The following NRXN3 variants were observed in gnomAD, a reference collection of about 807,000 sequenced individuals.
NRXN3 encodes neurexin 3.
A neutral mutation model predicts 137.6 loss-of-function variants in NRXN3; 32 were observed. The ratio of observed to expected loss-of-function variants is 0.23; its 90% confidence interval spans 0.18 to 0.31. The LOEUF is 0.31. Among genes scored for constraint, NRXN3 ranks in the 10% least tolerant of loss-of-function variants. NRXN3 has a pLI of 1.00. For missense variants in NRXN3, 1,574 were observed against 2,062.5 expected (o/e 0.76, Z 4.59); for synonymous variants, 798 against 784.5 (o/e 1.02, Z -0.29).
intron 2 of NRXN3, among the ~76,000 whole-genome samples, chr14:78,248,432 T>C (rs1441244004): frequency 1.3e-5 from 2 of 151,844 alleles, no homozygotes; most frequent in South Asian, 4.2e-4. Flanking sequence ...CAATTTCTTT[T>C]TTTTTTTATT....
intron 4 of NRXN3, among the ~76,000 whole-genome samples, chr14:78,337,298 G>C (rs1221909342): frequency 6.6e-6 from 1 of 152,110 alleles, no homozygotes; most frequent in African/African-American, 2.4e-5. Flanking sequence ...CTTGAGCTCA[G>C]GGATACCACT....
At chr14:78,822,181 C>T (rs1003882925) in intron 10 of NRXN3, among the ~76,000 whole-genome samples, 2 of 152,108 alleles carry the variant, frequency 1.3e-5, no homozygotes, top group Non-Finnish European at 2.9e-5. Flanking sequence ...AGGATATTTA[C>T]AATAAACATT....
chr14:78,938,848 C>CTTTTTCTT (rs1292820804), intron 10 of NRXN3, among the ~76,000 whole-genome samples: 1,631 of 131,998 alleles, frequency 0.012, 38 homozygotes, highest in African/African-American at 0.043. Context: ...AGTGATTTTT[C>CTTTTTCTT]TTTTTTTTTT....
intron 4 of NRXN3, among the ~76,000 whole-genome samples, chr14:78,505,059 A>ATATGCTGAC (rs2095959934): frequency 6.6e-6 from 1 of 152,146 alleles, no homozygotes; most frequent in African/African-American, 2.4e-5. Flanking sequence ...AAACAGGACC[A>ATATGCTGAC]TATGCTGACA....
At chr14:79,687,912 G>A (rs2098701689) in intron 17 of NRXN3, among the ~76,000 whole-genome samples, 1 of 152,164 alleles carries the variant, frequency 6.6e-6, no homozygotes, top group Non-Finnish European at 1.5e-5. Context: ...GCTTAGCTGA[G>A]TATGTTAGAA....
At chr14:79,573,761 G>A (rs1181939196) in intron 16 of NRXN3, among the ~76,000 whole-genome samples, 5 of 152,032 alleles carry the variant, frequency 3.3e-5, no homozygotes, top group African/African-American at 7.2e-5. Context: ...TGCCATGTCC[G>A]TGATGTAGTT....
At chr14:78,292,824 CA>C (rs1280521397) in intron 3 of NRXN3, among the ~76,000 whole-genome samples, 3 of 152,138 alleles carry the variant, frequency 2.0e-5, no homozygotes, top group African/African-American at 7.2e-5. Context: ...CCTGGAATAT[CA>C]AACCCAGAAT....
intron 6 of NRXN3, among the ~76,000 whole-genome samples, chr14:78,693,826 G>A (rs1453342194): frequency 6.6e-6 from 1 of 151,484 alleles, no homozygotes; most frequent in Non-Finnish European, 1.5e-5. Flanking sequence ...GTGCCTTTAG[G>A]ATCAAGTTAA....
intron 20 of NRXN3, among the ~76,000 whole-genome samples, chr14:79,822,735 A>C (rs186577607): frequency 1.1e-3 from 168 of 152,152 alleles, no homozygotes; most frequent in Admixed American, 2.2e-3. Context: ...AGCATCCGTC[A>C]CTTAGATAAC....
intron 19 of NRXN3, among the ~76,000 whole-genome samples, chr14:79,706,419 CTTTTTTTTT>C (rs919138966): frequency 2.0e-4 from 23 of 115,990 alleles, no homozygotes; most frequent in Non-Finnish European, 3.6e-4. Flanking sequence ...GGCTTTTTTA[CTTTTTTTTT>C]TTTTTTTTTT....
At chr14:78,997,906 T>C (rs2099533314) in intron 15 of NRXN3, among the ~76,000 whole-genome samples, 1 of 152,170 alleles carries the variant, frequency 6.6e-6, no homozygotes, top group African/African-American at 2.4e-5. Flanking sequence ...ATGTGATCTT[T>C]TAGGTCTGTT....
chr14:78,575,675 A>G (rs2096929562), intron 4 of NRXN3, among the ~76,000 whole-genome samples: 1 of 152,222 alleles, frequency 6.6e-6, no homozygotes, highest in South Asian at 2.1e-4. Flanking sequence ...AAATAAATAA[A>G]TATACAGTAT....
chr14:78,674,237 TAATC>T (rs1339841208), intron 6 of NRXN3, among the ~76,000 whole-genome samples: 2 of 152,206 alleles, frequency 1.3e-5, no homozygotes, highest in Non-Finnish European at 2.9e-5. Flanking sequence ...TGGCCTGAGA[TAATC>T]AAAGCCTCTT....
At chr14:78,222,930 G>A (rs1343239907) in intron 1 of NRXN3, among the ~76,000 whole-genome samples, 12 of 152,178 alleles carry the variant, frequency 7.9e-5, no homozygotes, top group Admixed American at 7.9e-4. Context: ...CATTTGAGTG[G>A]GTGAGTAAAT....
At chr14:78,831,406 G>A (rs2098981364) in intron 10 of NRXN3, among the ~76,000 whole-genome samples, 1 of 151,596 alleles carries the variant, frequency 6.6e-6, no homozygotes, top group African/African-American at 2.4e-5. Context: ...CGTGGTTGTA[G>A]GCGCCTGTAA....
chr14:79,434,999 C>G (rs2095821779), intron 15 of NRXN3, among the ~76,000 whole-genome samples: 1 of 152,150 alleles, frequency 6.6e-6, no homozygotes, highest in African/African-American at 2.4e-5. Flanking sequence ...CTTCCAACAT[C>G]TGGAGGATGA....
At chr14:78,558,259 C>T (rs2152251465) in intron 4 of NRXN3, among the ~76,000 whole-genome samples, 1 of 152,350 alleles carries the variant, frequency 6.6e-6, no homozygotes. Context: ...CTTCCCCCTT[C>T]CAACAGCTTC....
intron 15 of NRXN3, among the ~76,000 whole-genome samples, chr14:79,321,219 TG>T (rs2089964911): frequency 1.3e-5 from 2 of 152,268 alleles, no homozygotes; most frequent in Admixed American, 1.3e-4. Context: ...TGTTTATATA[TG>T]ACTAAAGGTC....
intron 19 of NRXN3, among the ~76,000 whole-genome samples, chr14:79,748,154 G>A (rs1051792507): frequency 6.6e-6 from 1 of 151,818 alleles, no homozygotes; most frequent in South Asian, 2.1e-4. Context: ...GTTTACCTAC[G>A]TAACAAACCT....
Sources: allele counts gnomAD v4.1 joint callset (sites outside exome capture counted in the v4.1 genomes callset), GRCh38; gene constraint gnomAD v4.1.1; transcripts MANE v1.5; gene names NCBI Gene and HGNC (gene_info 2026-07-23, HGNC 2026-07-21).